The following RHEB variants were observed in gnomAD, a reference collection of about 807,000 sequenced individuals.
The protein encoded by RHEB is Ras homolog, mTORC1 binding, also known as GTP-binding protein Rheb.
RHEB carries 2 observed loss-of-function variants against 28.8 expected under a neutral mutation model. The ratio of observed to expected loss-of-function variants is 0.07; its 90% CI spans 0.03 to 0.22. The LOEUF (loss-of-function observed/expected upper bound fraction) is 0.22, where lower values mean the gene tolerates loss of function less well. Among genes scored for constraint, RHEB ranks in the 10% least tolerant of loss-of-function variants. RHEB has a pLI of 1.00. For synonymous variants in RHEB, 69 were observed against 77.3 expected (o/e 0.89, Z 0.56); for missense variants, 76 against 219.9 (o/e 0.35, Z 4.14).
intron 1 of RHEB, among the ~76,000 whole-genome samples, chr7:151,496,282 C>T (rs137913435): frequency 6.5e-4 from 99 of 152,302 alleles, no homozygotes; most frequent in African/African-American, 2.3e-3. Flanking sequence ...CTGGTCACCA[C>T]CCAGACTGCT....
intron 1 of RHEB, among the ~76,000 whole-genome samples, chr7:151,515,464 C>G (rs1803061809): frequency 2.6e-5 from 4 of 152,154 alleles, no homozygotes; most frequent in Admixed American, 2.6e-4. Context: ...AATCAGAAAT[C>G]TGAATTCTGA....
chr7:151,491,650 T>C (rs1584857773), intron 1 of RHEB, among the ~76,000 whole-genome samples: 1 of 151,666 alleles, frequency 6.6e-6, no homozygotes, highest in Non-Finnish European at 1.5e-5. Flanking sequence ...GATAATAGAA[T>C]TGCTTGCCCC....
chr7:151,493,285 C>G (rs1167277706), intron 1 of RHEB, among the ~76,000 whole-genome samples: 1 of 152,134 alleles, frequency 6.6e-6, no homozygotes, highest in Admixed American at 6.5e-5. Flanking sequence ...TCCTGCCTGC[C>G]TTGGCCCCTT....
intron 1 of RHEB, chr7:151,501,910 C>T (rs1802778534): frequency 2.8e-6 from 2 of 715,052 alleles, no homozygotes. Flanking sequence ...TGGACAGGAA[C>T]GTGGAGTTCT....
intron 1 of RHEB, among the ~76,000 whole-genome samples, chr7:151,501,691 A>G (rs1802774112): frequency 6.6e-6 from 1 of 152,262 alleles, no homozygotes. Flanking sequence ...AGTGGAAACA[A>G]ACCAAATGTC....
Position 151,472,965 on chromosome 7 carries a change from C to T in RHEB, c.276-1360G>A, listed in dbSNP as rs989466256. ...TGTATTTGCCTATCTTTAAAAGTGTCGCCACTTGGGCAAAAATACAGTACC... is the reference window on the plus strand; with the variant it reads ...TGTATTTGCCTATCTTTAAAAGTGTTGCCACTTGGGCAAAAATACAGTACC... On this transcript the variant is annotated intron_variant, in intron 4 of 7. Coordinates refer to ENST00000262187, the MANE Select transcript of RHEB (RefSeq NM_005614.4). The surrounding 1 kb of genome is among the most constrained non-coding windows in gnomAD (Gnocchi z 5.2). Among the ~76,000 whole-genome samples the T allele has an allele frequency of 1.3e-5, 2 of 152,162 alleles. No individual in the cohort carries two copies. Among genetic ancestry groups the T allele is most frequent in the Non-Finnish European group, 2.9e-5 (2 of 68,044 alleles).
chr7:151,474,772 C>T (rs1802243992), intron 4 of RHEB, among the ~76,000 whole-genome samples: 1 of 152,084 alleles, frequency 6.6e-6, no homozygotes, highest in South Asian at 2.1e-4. Flanking sequence ...TTTTATTTCA[C>T]AAACAATGAA....
chr7:151,501,974 A>T, intron 1 of RHEB: 1 of 622,506 alleles, frequency 1.6e-6, no homozygotes, highest in Non-Finnish European at 3.0e-6. Context: ...GCCGTGGCTC[A>T]CGCCTGTAAT....
chr7:151,473,757 T>TA (rs149490376), intron 4 of RHEB, among the ~76,000 whole-genome samples: 11,542 of 152,254 alleles, frequency 0.076, 627 homozygotes, highest in African/African-American at 0.14. Flanking sequence ...CAAACCCACT[T>TA]ATGCCAGTTA....
chr7:151,479,567 C>A (rs1164668864), intron 3 of RHEB, among the ~76,000 whole-genome samples: 1 of 151,522 alleles, frequency 6.6e-6, no homozygotes, highest in Non-Finnish European at 1.5e-5. Flanking sequence ...CCTGTAGTCC[C>A]AGCTACTCAG....
At chr7:151,469,131 T>C (rs1434811369) in intron 7 of RHEB, among the ~76,000 whole-genome samples, 1 of 152,234 alleles carries the variant, frequency 6.6e-6, no homozygotes, top group Non-Finnish European at 1.5e-5. Flanking sequence ...TCCCTTGCTA[T>C]CTGGAACTTG....
chr7:151,501,141 T>A (rs1291204006), intron 1 of RHEB, among the ~76,000 whole-genome samples: 1 of 152,086 alleles, frequency 6.6e-6, no homozygotes, highest in African/African-American at 2.4e-5. Flanking sequence ...TTGGACTTCA[T>A]CAAAATTAAA....
intron 2 of RHEB, 86 bp downstream of exon 2, chr7:151,490,857 G>T: frequency 1.0e-6 from 1 of 980,412 alleles, no homozygotes; most frequent in Non-Finnish European, 1.7e-6. Flanking sequence ...TTTACCTCCT[G>T]CACTCAAAGC....
chr7:151,511,664 CT>C (rs201464253), intron 1 of RHEB, among the ~76,000 whole-genome samples: 237 of 142,568 alleles, frequency 1.7e-3, no homozygotes, highest in Middle Eastern at 7.2e-3. Flanking sequence ...TGTTAGATTT[CT>C]TTTTTTTTTT....
At chr7:151,517,355 C>A (rs775882653) in intron 1 of RHEB, among the ~76,000 whole-genome samples, 3 of 131,960 alleles carry the variant, frequency 2.3e-5, no homozygotes, top group African/African-American at 5.7e-5. Flanking sequence ...GTCACAAGAG[C>A]GAAACTCCGT....
intron 2 of RHEB, 137 bp from the exon 3 acceptor site, chr7:151,484,941 A>C: frequency 1.7e-6 from 1 of 600,734 alleles, no homozygotes; most frequent in East Asian, 2.8e-5. Context: ...AAAAAGAACA[A>C]CTCTCTGACT....
rs1399209988 is a variant in RHEB at position 151,466,883 on chromosome 7, A to T, written c.*236T>A. Reference sequence around the variant, plus strand: ...TGCCGATAAAATTCTTGGTCATAATATTAAGAAATACAATATATAAATTGA... The same window carrying T: ...TGCCGATAAAATTCTTGGTCATAATTTTAAGAAATACAATATATAAATTGA... On this transcript the variant is annotated 3_prime_UTR_variant, in exon 8 of 8. Coordinates refer to ENST00000262187, the MANE Select transcript of RHEB (RefSeq NM_005614.4). 1 of 406,964 alleles carries T rather than the reference A, an allele frequency of 2.5e-6. No homozygotes were observed. Among genetic ancestry groups the T allele is most frequent in the Non-Finnish European group, 4.4e-6 (1 of 225,880 alleles). 25.2% of individuals were successfully genotyped at this position (406,964 alleles called of 1,614,324 possible).
chr7:151,475,888 A>G (rs1279618814), intron 4 of RHEB, among the ~76,000 whole-genome samples: 1 of 152,216 alleles, frequency 6.6e-6, no homozygotes, highest in Non-Finnish European at 1.5e-5. Flanking sequence ...GCATTCAGAG[A>G]GCAAATAAAA....
At chr7:151,483,108 A>G (rs1802406611) in intron 3 of RHEB, among the ~76,000 whole-genome samples, 3 of 152,196 alleles carry the variant, frequency 2.0e-5, no homozygotes, top group African/African-American at 7.2e-5. Context: ...GGCACATGCT[A>G]TAGCTCTGTG....
Sources: allele counts gnomAD v4.1 joint callset (sites outside exome capture counted in the v4.1 genomes callset), GRCh38; gene constraint gnomAD v4.1.1; non-coding constraint Gnocchi (gnomAD v3.1); transcripts MANE v1.5; gene names NCBI Gene and HGNC (gene_info 2026-07-23, HGNC 2026-07-21).